SUGCT: variants seen among roughly 807,000 people sequenced by gnomAD.
The protein encoded by SUGCT is succinyl-CoA:glutarate CoA-transferase.
SUGCT carries 41 observed loss-of-function variants against 55.0 expected under a neutral mutation model. The observed-to-expected ratio is 0.74, with a 90% CI of 0.58 to 0.97. SUGCT has a LOEUF of 0.97. SUGCT is among the 50% of genes least tolerant of loss of function. The probability of loss-of-function intolerance (pLI) is 0.00; values close to 1 mark genes in which losing one functional copy is unlikely to be tolerated. For synonymous variants in SUGCT, 187 were observed against 200.4 expected (o/e 0.93, Z 0.56); for missense variants, 568 against 547.8 (o/e 1.04, Z -0.37).
At chr7:40,454,664 TA>T (rs1789379060) in intron 10 of SUGCT, among the ~76,000 whole-genome samples, 1 of 152,172 alleles carries the variant, frequency 6.6e-6, no homozygotes, top group Non-Finnish European at 1.5e-5. Context: ...ATTAACTGCA[TA>T]TTTTTTTGTC....
intron 3 of SUGCT, among the ~76,000 whole-genome samples, chr7:40,183,439 G>A (rs1322799565): frequency 6.6e-6 from 1 of 152,058 alleles, no homozygotes; most frequent in South Asian, 2.1e-4. Context: ...TACTAGGCTC[G>A]AGCAGTTCTC....
intron 1 of SUGCT, among the ~76,000 whole-genome samples, chr7:40,135,487 T>C (rs1490399574): frequency 2.0e-5 from 3 of 152,276 alleles, no homozygotes; most frequent in African/African-American, 7.2e-5. Flanking sequence ...CCCGCTGCTT[T>C]GAATAACTTG....
intron 12 of SUGCT, among the ~76,000 whole-genome samples, chr7:40,723,814 A>G (rs1016855616): frequency 2.0e-5 from 3 of 152,190 alleles, no homozygotes; most frequent in Non-Finnish European, 2.9e-5. Flanking sequence ...ACTATACATC[A>G]TAATTGTCTG....
At chr7:41,005,069 T>G in the SUGCT span, among the ~76,000 whole-genome samples, 1 of 152,170 alleles carries the variant, frequency 6.6e-6, no homozygotes, top group Non-Finnish European at 1.5e-5. Context: ...CATTGTTTGC[T>G]GTCTTTGCTT....
At chr7:41,035,960 C>T in the SUGCT span, among the ~76,000 whole-genome samples, 1 of 152,204 alleles carries the variant, frequency 6.6e-6, no homozygotes, top group Admixed American at 6.5e-5. Flanking sequence ...GGGAGCAGCC[C>T]CATGCCTTTG....
chr7:40,625,691 T>G (rs1192003434), intron 12 of SUGCT, among the ~76,000 whole-genome samples: 3 of 152,148 alleles, frequency 2.0e-5, no homozygotes, highest in African/African-American at 7.2e-5. Context: ...TGCAAACTAT[T>G]AAAATAAATT....
At chr7:40,460,255 T>G (rs1301443730) in intron 11 of SUGCT, among the ~76,000 whole-genome samples, 1 of 152,234 alleles carries the variant, frequency 6.6e-6, no homozygotes. Context: ...TGCCTGTATC[T>G]TTTCCATGTG....
At chr7:40,143,810 A>G (rs1288181887) in intron 1 of SUGCT, among the ~76,000 whole-genome samples, 2 of 152,190 alleles carry the variant, frequency 1.3e-5, no homozygotes, top group African/African-American at 4.8e-5. Flanking sequence ...AAAGAATCCA[A>G]TAGGGTCTGT....
At chr7:40,625,542 G>A (rs193009028) in intron 12 of SUGCT, among the ~76,000 whole-genome samples, 227 of 151,562 alleles carry the variant, frequency 1.5e-3, no homozygotes, top group African/African-American at 5.3e-3. Flanking sequence ...TTCAAAATTC[G>A]TCTTCATTTC....
chr7:40,249,317 A>ATATCTATATATATATATCTATATATC (rs1562611996), intron 7 of SUGCT, among the ~76,000 whole-genome samples: 2 of 21,528 alleles, frequency 9.3e-5, no homozygotes, highest in Middle Eastern at 0.017. Context: ...AAAAAGCTAT[A>ATATCTATATATATATATCTATATATC]TATATATATA....
intron 7 of SUGCT, among the ~76,000 whole-genome samples, chr7:40,251,285 A>G (rs557997012): frequency 2.6e-5 from 4 of 152,314 alleles, no homozygotes; most frequent in East Asian, 3.9e-4. Flanking sequence ...GTCAAAGTTT[A>G]CTTCACCTTT....
chr7:40,824,398 G>A (rs1792203408), intron 13 of SUGCT, among the ~76,000 whole-genome samples: 1 of 151,758 alleles, frequency 6.6e-6, no homozygotes, highest in Admixed American at 6.6e-5. Flanking sequence ...GAGGGAGGAG[G>A]GGAAAAACAT....
chr7:40,977,988 C>T, the SUGCT span, among the ~76,000 whole-genome samples: 1 of 152,170 alleles, frequency 6.6e-6, no homozygotes, highest in Non-Finnish European at 1.5e-5. Context: ...TCAATTTTTT[C>T]CTGTTCGCCA....
At chr7:40,202,915 T>C (rs912117750) in intron 6 of SUGCT, among the ~76,000 whole-genome samples, 1 of 152,180 alleles carries the variant, frequency 6.6e-6, no homozygotes, top group Non-Finnish European at 1.5e-5. Flanking sequence ...CATTGGCAGG[T>C]GTACAGTTTA....
At chr7:40,154,036 GA>G in intron 1 of SUGCT, 1 of 258,938 alleles carries the variant, frequency 3.9e-6, no homozygotes. Flanking sequence ...TGTGTATGGT[GA>G]AAAGTGGATA....
At chr7:40,513,376 C>T (rs1793051057) in intron 12 of SUGCT, among the ~76,000 whole-genome samples, 1 of 152,094 alleles carries the variant, frequency 6.6e-6, no homozygotes, top group Non-Finnish European at 1.5e-5. Flanking sequence ...TATGTGTGGG[C>T]ATCTTGGGGA....
intron 12 of SUGCT, among the ~76,000 whole-genome samples, chr7:40,717,544 G>T (rs1341093090): frequency 6.6e-6 from 1 of 152,210 alleles, no homozygotes; most frequent in Non-Finnish European, 1.5e-5. Flanking sequence ...AAAAGCTTCT[G>T]ATGTAAACAC....
At chr7:40,908,460 T>C in the SUGCT span, among the ~76,000 whole-genome samples, 1 of 149,480 alleles carries the variant, frequency 6.7e-6, no homozygotes, top group Non-Finnish European at 1.5e-5. Context: ...AACTTAATAA[T>C]ATACCACTTT....
At chr7:40,897,517 T>C in the SUGCT span, among the ~76,000 whole-genome samples, 1 of 151,838 alleles carries the variant, frequency 6.6e-6, no homozygotes, top group Non-Finnish European at 1.5e-5. Flanking sequence ...CAGAAGGGCT[T>C]TAACCATTCA....
Sources: gnomAD v4.1 joint callset for allele counts (sites outside exome capture counted in the v4.1 genomes callset) on GRCh38, gnomAD v4.1.1 for gene constraint, MANE v1.5 for transcripts, NCBI Gene and HGNC (gene_info 2026-07-23, HGNC 2026-07-21) for gene names.